TANC2: variants seen among roughly 807,000 people sequenced by gnomAD.
The protein encoded by TANC2 is protein TANC2.
A neutral mutation model predicts 210.5 loss-of-function variants in TANC2; 26 were observed. The observed-to-expected ratio is 0.12, with a 90% CI of 0.09 to 0.17. TANC2 has a LOEUF of 0.17. Among genes scored for constraint, TANC2 ranks in the 10% least tolerant of loss-of-function variants. The probability of loss-of-function intolerance (pLI) is 1.00; values close to 1 mark genes in which losing one functional copy is unlikely to be tolerated. For missense variants in TANC2, 2,129 were observed against 2,608.9 expected (o/e 0.82, Z 4.01); for synonymous variants, 931 against 967.1 (o/e 0.96, Z 0.69).
At chr17:63,122,964 C>T (rs1194945852) in intron 4 of TANC2, among the ~76,000 whole-genome samples, 1 of 152,104 alleles carries the variant, frequency 6.6e-6, no homozygotes, top group Non-Finnish European at 1.5e-5. Flanking sequence ...TTGTCTGGAA[C>T]AGAGGTTTCA....
Position 62,967,213 on chromosome 17 carries a change from G to T in TANC2, c.-24+464G>T, listed in dbSNP as rs1323065296. The T allele has an allele frequency of 3.3e-5, 5 of 152,344 alleles. No homozygotes were observed. The East Asian group carries it at 9.6e-4, about 29-fold the overall frequency. 9.4% of individuals were successfully genotyped at this position (152,344 alleles called of 1,614,324 possible). On this transcript the variant is annotated intron_variant, in intron 1 of 27. Transcript: ENST00000689528. ...GATATTAATAATTCCTCTGGGAAAGGAGGTGTAGCATAATAAAAGATTAAT... is the reference window on the plus strand; with the variant it reads ...GATATTAATAATTCCTCTGGGAAAGTAGGTGTAGCATAATAAAAGATTAAT...
chr17:62,997,754 T>C (rs1269965772), intron 1 of TANC2, among the ~76,000 whole-genome samples: 1 of 152,232 alleles, frequency 6.6e-6, no homozygotes, highest in Admixed American at 6.5e-5. Context: ...AATGGTATAA[T>C]TTATTTATTT....
intron 4 of TANC2, chr17:63,125,055 AAATTTCTCGTT>A (rs2038654122): frequency 6.6e-6 from 1 of 152,232 alleles, no homozygotes; most frequent in South Asian, 2.1e-4. Flanking sequence ...TTACTCCAGT[AAATTTCTCGTT>A]AAGATAGCTG....
At chr17:63,009,045 AAT>A (rs2033750230) in intron 1 of TANC2, among the ~76,000 whole-genome samples, 1 of 152,134 alleles carries the variant, frequency 6.6e-6, no homozygotes, top group African/African-American at 2.4e-5. Flanking sequence ...TTAAATGTTT[AAT>A]AGTCTTTTTT....
At chr17:63,340,411 G>C in intron 12 of TANC2, 79 bp downstream of exon 12, 1 of 1,193,022 alleles carries the variant, frequency 8.4e-7, no homozygotes, top group South Asian at 1.4e-5. Context: ...AAAAATGATT[G>C]ATTTTATCAC....
intron 9 of TANC2, 129 bp downstream of exon 9, chr17:63,268,002 G>C (rs555850569): frequency 9.6e-7 from 1 of 1,041,330 alleles, no homozygotes; most frequent in Non-Finnish European, 1.3e-6. Context: ...ATCCATTTTA[G>C]CATGTGACCA....
chr17:63,099,720 T>G (rs928493837), intron 4 of TANC2, among the ~76,000 whole-genome samples: 10 of 152,190 alleles, frequency 6.6e-5, no homozygotes, highest in Admixed American at 5.9e-4. Flanking sequence ...TAATAGGAGC[T>G]TGATAGTTCA....
In TANC2 at chr17:63,420,032, G is replaced by A. The variant is rs1220506704; in HGVS notation, c.4302G>A (p.Glu1434=). Reference sequence around the variant, plus strand: ...CAGCAGCCTTAGAGGACCTGAACGAGGCCATCAAGCTGTGTCCCAACAACC... The same window carrying A: ...CAGCAGCCTTAGAGGACCTGAACGAAGCCATCAAGCTGTGTCCCAACAACC... The change falls in exon 28 of 28, where the codon GAG becomes GAA. Residue 1434 remains glutamate (E), a synonymous_variant. Transcript: ENST00000689528. This position sits in a 1 kb window ranked among gnomAD's most constrained non-coding sequence, Gnocchi z 4.2. The A allele has an allele frequency of 6.4e-7, 1 of 1,550,830 alleles. No individual in the cohort carries two copies.
intron 5 of TANC2, among the ~76,000 whole-genome samples, chr17:63,190,911 G>T (rs1429646367): frequency 6.6e-6 from 1 of 152,028 alleles, no homozygotes; most frequent in Non-Finnish European, 1.5e-5. Context: ...ATTTAGCACT[G>T]ATTTCTCTCT....
chr17:63,226,009 AT>A (rs1369390190), intron 7 of TANC2, among the ~76,000 whole-genome samples: 2 of 152,234 alleles, frequency 1.3e-5, no homozygotes, highest in African/African-American at 4.8e-5. Context: ...ATCATAAAAT[AT>A]CACACTTGTC....
At chr17:63,048,588 G>T (rs955331483) in intron 2 of TANC2, among the ~76,000 whole-genome samples, 1 of 152,162 alleles carries the variant, frequency 6.6e-6, no homozygotes, top group Non-Finnish European at 1.5e-5. Flanking sequence ...GTTTTTGTAA[G>T]CTTTGTTGAA....
At chr17:63,404,157 A>T (rs1419783228) in intron 19 of TANC2, among the ~76,000 whole-genome samples, 2 of 152,052 alleles carry the variant, frequency 1.3e-5, no homozygotes, top group African/African-American at 4.8e-5. Flanking sequence ...ATGAAGTATA[A>T]CTCCTACATG....
chr17:63,152,462 T>C (rs2039686592), intron 5 of TANC2: 1 of 152,164 alleles, frequency 6.6e-6, no homozygotes, highest in African/African-American at 2.4e-5. Context: ...GATTTTGCTT[T>C]CCTTCGGGGT....
chr17:63,042,287 G>A (rs1430145813), intron 2 of TANC2, among the ~76,000 whole-genome samples: 1 of 151,914 alleles, frequency 6.6e-6, no homozygotes, highest in East Asian at 1.9e-4. Flanking sequence ...AATATTGAAA[G>A]GAAGTAAAGC....
chr17:63,091,545 G>A (rs962081341), intron 3 of TANC2, among the ~76,000 whole-genome samples: 2 of 152,004 alleles, frequency 1.3e-5, no homozygotes, highest in African/African-American at 4.8e-5. Context: ...ATTTCTGAGG[G>A]CTCTGTTCTG....
exon 4 of TANC2, chr17:63,099,331 G>A (rs780996480): frequency 5.8e-6 from 9 of 1,539,054 alleles, no homozygotes; most frequent in South Asian, 1.2e-5. Flanking sequence ...ATCAGTGTTC[G>A]GCTCCAGCCT....
chr17:63,131,023 GCTGAAA>G (rs1461344679), intron 4 of TANC2: 3 of 152,192 alleles, frequency 2.0e-5, no homozygotes, highest in Non-Finnish European at 4.4e-5. Context: ...GATTCAGGGA[GCTGAAA>G]CTGAGAAACA....
intron 14 of TANC2, among the ~76,000 whole-genome samples, chr17:63,366,749 A>T (rs894004296): frequency 1.3e-5 from 2 of 152,372 alleles, no homozygotes; most frequent in East Asian, 3.9e-4. Flanking sequence ...CACAAGGGTC[A>T]TACATTTCCA....
rs370863314 is a variant in TANC2 at position 63,421,774 on chromosome 17, G to C, written c.6044G>C (p.Arg2015Pro). The change falls in exon 28 of 28, where the codon CGT becomes CCT. Residue 2015 changes from arginine (R) to proline (P), a missense_variant. By Grantham distance (103) the Arg-to-Pro change is moderately radical. This residue lies in a region of TANC2 where 161 missense variants were observed against 178.6 expected (regional missense o/e 0.90). Transcript: ENST00000689528. This position sits in a 1 kb window ranked among gnomAD's most constrained non-coding sequence, Gnocchi z 6.9. ...CATGGGATGCTGGCTAACGGGTCTCGTGGAGACCTCTTGGAGCGAGTCAGC... is the reference window on the plus strand; with the variant it reads ...CATGGGATGCTGGCTAACGGGTCTCCTGGAGACCTCTTGGAGCGAGTCAGC... The C allele has an allele frequency of 3.1e-5, 50 of 1,613,918 alleles. No homozygotes were observed. Among genetic ancestry groups the C allele is most frequent in the Non-Finnish European group, 4.0e-5 (47 of 1,179,898 alleles).
Sources: gnomAD v4.1 joint callset for allele counts (sites outside exome capture counted in the v4.1 genomes callset) on GRCh38, gnomAD v4.1.1 for gene constraint, gnomAD v4.1.1 regional missense constraint, Gnocchi (gnomAD v3.1) non-coding constraint, MANE v1.5 for transcripts, NCBI Gene and HGNC (gene_info 2026-07-23, HGNC 2026-07-21) for gene names.